The following EZH2 variants were observed in gnomAD, a reference collection of about 807,000 sequenced individuals.
EZH2 encodes histone-lysine N-methyltransferase EZH2.
EZH2 carries 18 observed loss-of-function variants against 98.4 expected under a neutral mutation model. The observed-to-expected ratio is 0.18, with a 90% CI of 0.13 to 0.27. The LOEUF is 0.27. Among genes scored for constraint, EZH2 ranks in the 10% least tolerant of loss-of-function variants. The probability of loss-of-function intolerance (pLI) is 1.00; values close to 1 mark genes in which losing one functional copy is unlikely to be tolerated. For synonymous variants in EZH2, 338 were observed against 312.3 expected (o/e 1.08, Z -0.87); for missense variants, 470 against 935.1 (o/e 0.50, Z 6.49).
At chr7:148,854,217 G>GCA (rs1816392444) in intron 1 of EZH2, among the ~76,000 whole-genome samples, 6 of 152,116 alleles carry the variant, frequency 3.9e-5, no homozygotes, top group Admixed American at 2.0e-4. Context: ...AGGCCAAGAT[G>GCA]GGCAGATCAT....
At chr7:148,816,291 C>G (rs1263592600) in intron 12 of EZH2, among the ~76,000 whole-genome samples, 1 of 152,174 alleles carries the variant, frequency 6.6e-6, no homozygotes, top group Non-Finnish European at 1.5e-5. Context: ...TGCCACACAA[C>G]TTAGAAATTC....
At chr7:148,861,769 C>T (rs1817698322) in intron 1 of EZH2, among the ~76,000 whole-genome samples, 1 of 147,328 alleles carries the variant, frequency 6.8e-6, no homozygotes, top group Non-Finnish European at 1.5e-5. Flanking sequence ...CCAGGAGTTT[C>T]AGACCAGCCT....
intron 8 of EZH2, among the ~76,000 whole-genome samples, chr7:148,822,489 G>A (rs1431471301): frequency 1.3e-5 from 2 of 149,348 alleles, no homozygotes; most frequent in African/African-American, 4.9e-5. Flanking sequence ...CAGCCTGAGC[G>A]ACAGAGCAAG....
chr7:148,882,258 C>G (rs556391577), intron 1 of EZH2, among the ~76,000 whole-genome samples: 1 of 152,160 alleles, frequency 6.6e-6, no homozygotes. Context: ...CTTAAGTTAG[C>G]AGATGCACAT....
intron 1 of EZH2, among the ~76,000 whole-genome samples, chr7:148,852,335 C>T (rs973691988): frequency 7.2e-5 from 11 of 152,202 alleles, no homozygotes; most frequent in African/African-American, 2.4e-4. Flanking sequence ...CTTTATCCCA[C>T]TAGAGTAGAT....
At chr7:148,834,082 G>A (rs62505371) in intron 3 of EZH2, among the ~76,000 whole-genome samples, 1 of 152,082 alleles carries the variant, frequency 6.6e-6, no homozygotes, top group Non-Finnish European at 1.5e-5. Flanking sequence ...GTGATTCTAA[G>A]ATGCATGTTG....
At chr7:148,825,682 G>A (rs1425035935) in intron 8 of EZH2, among the ~76,000 whole-genome samples, 2 of 151,858 alleles carry the variant, frequency 1.3e-5, no homozygotes, top group African/African-American at 4.8e-5. Context: ...AGGGGAAAAC[G>A]ATTTTACAAT....
chr7:148,856,965 T>C (rs1323122942), intron 1 of EZH2, among the ~76,000 whole-genome samples: 1 of 151,756 alleles, frequency 6.6e-6, no homozygotes, highest in Non-Finnish European at 1.5e-5. Flanking sequence ...CAAAGAAGAG[T>C]CTGGAAAGGG....
chr7:148,820,777 C>G (rs1264889000), intron 8 of EZH2, among the ~76,000 whole-genome samples: 3 of 151,986 alleles, frequency 2.0e-5, no homozygotes, highest in Non-Finnish European at 4.4e-5. Flanking sequence ...ATTTAAAATA[C>G]AAAAACCACT....
chr7:148,817,554 C>T (rs1488314964), intron 10 of EZH2, 163 bp from the exon 11 acceptor site: 1 of 704,852 alleles, frequency 1.4e-6, no homozygotes, highest in Non-Finnish European at 2.3e-6. Context: ...CAAAACTACT[C>T]ACAGAACGTC....
chr7:148,848,925 CT>C (rs917895409), intron 1 of EZH2, among the ~76,000 whole-genome samples: 76 of 146,636 alleles, frequency 5.2e-4, no homozygotes, highest in Admixed American at 8.2e-4. Flanking sequence ...CTCCCATATA[CT>C]TTTTTTTTTT....
intron 1 of EZH2, chr7:148,883,355 G>A (rs1016930250): frequency 3.3e-5 from 5 of 152,284 alleles, no homozygotes. Context: ...TCAATAGAGA[G>A]CAGAGCAGCT....
chr7:148,875,271 T>G (rs1452466107), intron 1 of EZH2, among the ~76,000 whole-genome samples: 1 of 152,248 alleles, frequency 6.6e-6, no homozygotes, highest in African/African-American at 2.4e-5. Context: ...TTTATCTGAT[T>G]ATGCTTCCCA....
intron 9 of EZH2, 100 bp downstream of exon 9, chr7:148,819,496 C>T (rs748198968): frequency 2.2e-6 from 2 of 899,122 alleles, no homozygotes; most frequent in African/African-American, 1.7e-5. Context: ...TGGCCCATAA[C>T]AGCATGGGTG....
intron 16 of EZH2, 36 bp from the exon 17 acceptor site, chr7:148,810,450 T>G (rs374296575): frequency 3.8e-5 from 56 of 1,459,610 alleles, no homozygotes; most frequent in Non-Finnish European, 5.3e-5. Flanking sequence ...TTCTTTTGGA[T>G]AAAGGTGATC....
At chr7:148,870,523 G>A (rs1042569767) in intron 1 of EZH2, among the ~76,000 whole-genome samples, 2 of 151,898 alleles carry the variant, frequency 1.3e-5, no homozygotes, top group African/African-American at 2.4e-5. Context: ...GCAACATGGC[G>A]AAACCCCATC....
At chr7:148,866,555 C>CGTATATACAT (rs55982732) in intron 1 of EZH2, among the ~76,000 whole-genome samples, 9 of 93,038 alleles carry the variant, frequency 9.7e-5, no homozygotes, top group Non-Finnish European at 2.0e-5. Flanking sequence ...CATATATATA[C>CGTATATACAT]ATATATACAT....
intron 3 of EZH2, among the ~76,000 whole-genome samples, chr7:148,835,169 C>T (rs1810545897): frequency 6.6e-6 from 1 of 152,174 alleles, no homozygotes; most frequent in African/African-American, 2.4e-5. Context: ...CGTATAATCT[C>T]AGCACTTTGG....
intron 1 of EZH2, among the ~76,000 whole-genome samples, chr7:148,857,892 C>G (rs536487087): frequency 4.6e-5 from 7 of 151,490 alleles, no homozygotes; most frequent in African/African-American, 1.7e-4. Flanking sequence ...GAAGTGATAA[C>G]AGAAACAAAT....
Sources: gnomAD v4.1 joint callset for allele counts (sites outside exome capture counted in the v4.1 genomes callset) on GRCh38, gnomAD v4.1.1 for gene constraint, MANE v1.5 for transcripts, NCBI Gene and HGNC (gene_info 2026-07-23, HGNC 2026-07-21) for gene names.